The following NEDD8 variants were observed in gnomAD, a reference collection of about 807,000 sequenced individuals.
NEDD8 encodes the protein ubiquitin-like protein NEDD8.
NEDD8 carries 1 observed loss-of-function variant against 13.8 expected under a neutral mutation model. The observed-to-expected ratio is 0.07, with a 90% CI of 0.03 to 0.34. The LOEUF is 0.34. NEDD8 is among the 10% of genes least tolerant of loss of function. The probability of loss-of-function intolerance (pLI) is 0.99; values close to 1 mark genes in which losing one functional copy is unlikely to be tolerated. For synonymous variants in NEDD8, 31 were observed against 33.2 expected, an observed-to-expected ratio of 0.93 and a Z score of 0.23; for missense variants, 10 against 95.2, an observed-to-expected ratio of 0.10 and a Z score of 3.73.
rs186247872 is a variant in NEDD8, at chr14:24,232,166, T to A, written c.18+84A>T. 9.7e-4 allele frequency: 1,552 copies of A among 1,602,132 alleles called. 2 individuals carry two copies. Among genetic ancestry groups the A allele is most frequent in the Non-Finnish European group, 1.3e-3 (1,493 of 1,171,872 alleles). ...GCGTCCTCCAGGCTAGGGAAAGGCG[T>A]GGTTTTCCTTCCCCACGTCTCCCGT... On this transcript the variant is annotated intron_variant, in intron 1 of 3. Coordinates refer to ENST00000250495, the MANE Select transcript of NEDD8 (RefSeq NM_006156.3).
chr14:24,227,627 T>C (rs549253209), intron 1 of NEDD8: 3 of 152,322 alleles, frequency 2.0e-5, no homozygotes, highest in South Asian at 2.1e-4. Context: ...ACCTGAATGA[T>C]TGATGGGATT....
intron 1 of NEDD8, among the ~76,000 whole-genome samples, chr14:24,226,343 A>C (rs1189718006): frequency 6.6e-6 from 1 of 151,448 alleles, no homozygotes; most frequent in Admixed American, 6.6e-5. Context: ...AATACAAAAA[A>C]ATTAGCTAGG....
intron 1 of NEDD8, among the ~76,000 whole-genome samples, chr14:24,229,185 C>T (rs191934464): frequency 1.3e-3 from 196 of 152,256 alleles, no homozygotes; most frequent in Non-Finnish European, 2.0e-3. Context: ...TTTCAAGTTT[C>T]CACACACAGC....
chr14:24,218,282 G>T (rs2039742992), intron 2 of NEDD8, 67 bp from the exon 3 acceptor site: 2 of 1,613,734 alleles, frequency 1.2e-6, no homozygotes, highest in African/African-American at 2.7e-5. Flanking sequence ...AAAGAACAAG[G>T]GCTATGCAGA....
At chr14:24,218,472 G>A in intron 1 of NEDD8, 41 bp from the exon 2 acceptor site, 1 of 1,614,118 alleles carries the variant, frequency 6.2e-7, no homozygotes, top group Non-Finnish European at 8.5e-7. Context: ...AAAGCCCAAT[G>A]TACAATTTGT....
intron 1 of NEDD8, 83 bp downstream of exon 1, chr14:24,232,167 G>T: frequency 6.2e-7 from 1 of 1,604,232 alleles, no homozygotes; most frequent in African/African-American, 1.3e-5. Context: ...GGAAAGGCGT[G>T]GTTTTCCTTC....
chr14:24,217,526 G>C (rs1286267363), intron 3 of NEDD8, among the ~76,000 whole-genome samples: 1 of 152,112 alleles, frequency 6.6e-6, no homozygotes, highest in African/African-American at 2.4e-5. Flanking sequence ...CTGACCTCAG[G>C]TGATCCACCC....
At position 24,225,377 on chromosome 14, in the gene NEDD8, T is replaced by C. The variant is rs564924434; in HGVS notation, c.18+6873A>G. 3.3e-5 allele frequency among the ~76,000 whole-genome samples: 5 copies of C among 152,010 alleles called. No homozygotes were observed. The East Asian group carries it at 5.8e-4, about 18-fold the overall frequency. On this transcript the variant is annotated intron_variant, in intron 1 of 3. Transcript: ENST00000250495. ...TTAATAAAAAAAGAGAGAGAGACAA[T>C]AGGGTAATTTGATGATAGTAAGCAA...
rs974708608 is a variant in NEDD8 at position 24,232,345 on chromosome 14, T to C, written c.-78A>G. The stretch of plus-strand genomic sequence containing the variant: ...GGTCGCCGCTGCCGCCCTCCAGCAC[T>C]CTTGCCTGCAAGGGCCACTTCTACT... On this transcript the variant is annotated 5_prime_UTR_variant, in exon 1 of 4. Transcript: ENST00000250495. 4 of 1,462,986 alleles carry C rather than the reference T, an allele frequency of 2.7e-6. No individual in the cohort carries two copies. In the African/African-American group the frequency reaches 4.5e-5, roughly 16 times the overall value. 90.6% of individuals were successfully genotyped at this position (1,462,986 alleles called of 1,614,324 possible). A position where few individuals can be genotyped will look rare whatever the true frequency, so the allele number is the denominator to read the frequency against.
chr14:24,232,130 T>G, intron 1 of NEDD8, 120 bp downstream of exon 1: 1 of 1,527,346 alleles, frequency 6.5e-7, no homozygotes, highest in Admixed American at 1.8e-5. Context: ...CGCGGAGCCC[T>G]GAGGCAGTCA....
At chr14:24,222,153 A>G (rs1321418960) in intron 1 of NEDD8, among the ~76,000 whole-genome samples, 1 of 152,200 alleles carries the variant, frequency 6.6e-6, no homozygotes, top group Admixed American at 6.5e-5. Flanking sequence ...TACCTACAAC[A>G]ATGGTTATTG....
At chr14:24,224,020 C>T (rs1243770065) in intron 1 of NEDD8, among the ~76,000 whole-genome samples, 2 of 152,086 alleles carry the variant, frequency 1.3e-5, no homozygotes, top group Admixed American at 6.6e-5. Flanking sequence ...CTCCACCTCC[C>T]GGGTTCACGC....
At chr14:24,224,370 T>C (rs2039857401) in intron 1 of NEDD8, among the ~76,000 whole-genome samples, 3 of 152,064 alleles carry the variant, frequency 2.0e-5, no homozygotes, top group Admixed American at 1.3e-4. Context: ...GGCCTGAAAA[T>C]TGTTTTGTAG....
At chr14:24,218,895 C>T (rs2039753580) in intron 1 of NEDD8, among the ~76,000 whole-genome samples, 1 of 152,000 alleles carries the variant, frequency 6.6e-6, no homozygotes, top group Non-Finnish European at 1.5e-5. Flanking sequence ...TACAGGCATG[C>T]GCTACCAGGC....
chr14:24,228,695 G>A (rs2039938100), intron 1 of NEDD8: 1 of 137,580 alleles, frequency 7.3e-6, no homozygotes, highest in African/African-American at 2.7e-5. Flanking sequence ...CCCTAAGCCT[G>A]GGCGACAGAG....
At chr14:24,217,998 A>T in intron 3 of NEDD8, 135 bp downstream of exon 3, 1 of 1,026,230 alleles carries the variant, frequency 9.7e-7, no homozygotes, top group South Asian at 1.6e-5. Context: ...AGGGGCTTAG[A>T]GGCTTCACCA....
Position 24,217,078 on chromosome 14 carries a change from T to C in NEDD8, c.*49A>G, listed in dbSNP as rs1405876568. On this transcript the variant is annotated 3_prime_UTR_variant, in exon 4 of 4. Transcript: ENST00000250495. ...GTGTCCCAGAGAGTGAGAGGATATA[T>C]GATGCCTCATTATGAGCGACAGGGT... 2.1e-6 allele frequency: 3 copies of C among 1,458,852 alleles called. No individual in the cohort carries two copies. Among genetic ancestry groups the C allele is most frequent in the Non-Finnish European group, 2.9e-6 (3 of 1,050,964 alleles). 90.4% of individuals were successfully genotyped at this position (1,458,852 alleles called of 1,614,324 possible). A position where few individuals can be genotyped will look rare whatever the true frequency, so the allele number is the denominator to read the frequency against.
At chr14:24,227,372 T>C (rs1021141527) in intron 1 of NEDD8, 1 of 152,194 alleles carries the variant, frequency 6.6e-6, no homozygotes, top group Non-Finnish European at 1.5e-5. Context: ...AAGGAAGACC[T>C]GCACATTATG....
At chr14:24,217,299 TTGTTG>T in intron 3 of NEDD8, 76 bp from the exon 4 acceptor site, 2 of 1,295,986 alleles carry the variant, frequency 1.5e-6, no homozygotes, top group Non-Finnish European at 2.2e-6. Flanking sequence ...GTTGTTGTTG[TTGTTG>T]TTTTTGACAG....
Sources: allele counts gnomAD v4.1 joint callset (sites outside exome capture counted in the v4.1 genomes callset), GRCh38; gene constraint gnomAD v4.1.1; transcripts MANE v1.5; gene names NCBI Gene and HGNC (gene_info 2026-07-23, HGNC 2026-07-21).